The following RRM2 variants were observed in gnomAD, a reference collection of about 807,000 sequenced individuals.
The protein encoded by RRM2 is ribonucleotide reductase regulatory subunit M2, also known as ribonucleoside-diphosphate reductase subunit M2.
RRM2 carries 6 observed loss-of-function variants against 45.9 expected under a neutral mutation model. The ratio of observed to expected loss-of-function variants is 0.13; its 90% CI spans 0.07 to 0.26. The LOEUF is 0.26. Among genes scored for constraint, RRM2 ranks in the 10% least tolerant of loss-of-function variants. RRM2 has a pLI of 1.00. For synonymous variants in RRM2, 177 were observed against 173.0 expected (o/e 1.02, Z -0.18); for missense variants, 343 against 489.5 (o/e 0.70, Z 2.82).
chr2:10,144,731 C>G (rs1663154248), intron 3 of RRM2, among the ~76,000 whole-genome samples: 1 of 152,058 alleles, frequency 6.6e-6, no homozygotes, highest in African/African-American at 2.4e-5. Flanking sequence ...TGTCTTTACC[C>G]AGGGAGGGTC....
At chr2:10,165,185 A>G (rs577582956) in intron 3 of RRM2, among the ~76,000 whole-genome samples, 1 of 152,308 alleles carries the variant, frequency 6.6e-6, no homozygotes, top group Admixed American at 6.5e-5. Context: ...TCCTGAGCTC[A>G]AGCAATCCGG....
At chr2:10,182,961 T>C (rs1664091679) in intron 3 of RRM2, among the ~76,000 whole-genome samples, 1 of 152,168 alleles carries the variant, frequency 6.6e-6, no homozygotes, top group Non-Finnish European at 1.5e-5. Flanking sequence ...GAGGACTGCT[T>C]GAGCCCAGGA....
intron 3 of RRM2, among the ~76,000 whole-genome samples, chr2:10,144,965 G>A (rs553000325): frequency 5.9e-5 from 9 of 152,300 alleles, no homozygotes; most frequent in African/African-American, 2.2e-4. Flanking sequence ...GCACCGGGCC[G>A]GGAGCCCCCA....
rs768505785 is a variant in RRM2, at chr2:10,171,141, G to C, written n.482+28766G>C. On this transcript the variant is annotated intron_variant and non_coding_transcript_variant, in intron 3 of 3. Coordinates refer to the RRM2 transcript ENST00000381786. The surrounding 1 kb of genome is among the most constrained non-coding windows in gnomAD (Gnocchi z 4.1). ...GCTGCGGGGCCTGCACAGACCCCAG[G>C]CATCGAGCCTGCGATGGGGCAACGT... Among the ~76,000 whole-genome samples, 2 of 152,250 alleles carry C rather than the reference G, an allele frequency of 1.3e-5. No homozygotes were observed. The highest frequency in any genetic ancestry group is 4.8e-5 in the African/African-American group (2 of 41,472).
At chr2:10,206,012 C>T (rs562602302) in intron 3 of RRM2, among the ~76,000 whole-genome samples, 45 of 151,994 alleles carry the variant, frequency 3.0e-4, no homozygotes, top group African/African-American at 9.2e-4. Flanking sequence ...TCTGGGAGGC[C>T]GAAGCGGGAG....
chr2:10,150,450 A>G (rs1167965417), intron 3 of RRM2, among the ~76,000 whole-genome samples: 3 of 151,606 alleles, frequency 2.0e-5, no homozygotes, highest in Non-Finnish European at 4.4e-5. Flanking sequence ...TGCCTCAAAA[A>G]AAAAAAAAAA....
At chr2:10,128,370 C>T (rs764202452) in intron 7 of RRM2, among the ~76,000 whole-genome samples, 4 of 152,232 alleles carry the variant, frequency 2.6e-5, no homozygotes, top group Non-Finnish European at 4.4e-5. Flanking sequence ...GTAGGAGGGC[C>T]TTCCTTACTG....
chr2:10,187,739 C>T (rs546508553), intron 3 of RRM2, among the ~76,000 whole-genome samples: 21 of 152,328 alleles, frequency 1.4e-4, no homozygotes, highest in Admixed American at 2.6e-4. Context: ...CACACCACAG[C>T]GGCTGGGCAG....
intron 3 of RRM2, among the ~76,000 whole-genome samples, chr2:10,192,413 A>ACAG (rs1664327392): frequency 6.6e-6 from 1 of 151,972 alleles, no homozygotes; most frequent in Non-Finnish European, 1.5e-5. Context: ...ACCTCTCCCT[A>ACAG]CAGCAGCTCG....
chr2:10,208,642 T>C (rs1269807760), intron 3 of RRM2, among the ~76,000 whole-genome samples: 2 of 152,226 alleles, frequency 1.3e-5, no homozygotes, highest in African/African-American at 4.8e-5. Context: ...TGTTTTCATA[T>C]TGAATTTCAG....
rs1370965214 is a variant in RRM2 at position 10,172,992 on chromosome 2, C to A, written n.482+30617C>A. On this transcript the variant is annotated intron_variant and non_coding_transcript_variant, in intron 3 of 3. Coordinates refer to the RRM2 transcript ENST00000381786. This position sits in a 1 kb window ranked among gnomAD's most constrained non-coding sequence, Gnocchi z 4.9. ...CGCCGTCTTCCTTGTCTGTCCTCTCCTGCCGCCTCCATTCAACTTTCTCCC... is the reference window on the plus strand; with the variant it reads ...CGCCGTCTTCCTTGTCTGTCCTCTCATGCCGCCTCCATTCAACTTTCTCCC... Among the ~76,000 whole-genome samples the A allele has an allele frequency of 6.6e-6, 1 of 152,194 alleles. No homozygotes were observed. The highest frequency in any genetic ancestry group is 1.9e-4 in the East Asian group (1 of 5,196).
intron 3 of RRM2, among the ~76,000 whole-genome samples, chr2:10,176,980 T>C (rs1663928668): frequency 6.6e-6 from 1 of 152,242 alleles, no homozygotes; most frequent in Admixed American, 6.5e-5. Context: ...GTACAGTGGC[T>C]CATGCCGGTA....
rs891150622 is a variant in RRM2, at chr2:10,169,633, G to A, written n.482+27258G>A. 6.6e-6 allele frequency among the ~76,000 whole-genome samples: 1 copy of A among 152,168 alleles called. No individual in the cohort carries two copies. Among genetic ancestry groups the A allele is most frequent in the Non-Finnish European group, 1.5e-5 (1 of 68,020 alleles). ...GACGGCGGCTGCTCCTTGGAAGCTG[G>A]CAGGCACGGCCACAGAATATGCGCC... On this transcript the variant is annotated intron_variant and non_coding_transcript_variant, in intron 3 of 3. Transcript: ENST00000381786. This position sits in a 1 kb window ranked among gnomAD's most constrained non-coding sequence, Gnocchi z 5.1.
chr2:10,175,329 G>T (rs1325084906), intron 3 of RRM2, among the ~76,000 whole-genome samples: 10 of 152,214 alleles, frequency 6.6e-5, no homozygotes, highest in Non-Finnish European at 1.5e-4. Context: ...GTTGTATGTG[G>T]TCTTTGTGTC....
intron 3 of RRM2, among the ~76,000 whole-genome samples, chr2:10,164,424 A>C (rs1572511420): frequency 6.6e-6 from 1 of 152,250 alleles, no homozygotes; most frequent in Non-Finnish European, 1.5e-5. Flanking sequence ...TGCTCAATAC[A>C]TTTTATCATC....
At chr2:10,125,281 A>G (rs543808315) in intron 5 of RRM2, among the ~76,000 whole-genome samples, 1 of 152,342 alleles carries the variant, frequency 6.6e-6, no homozygotes, top group South Asian at 2.1e-4. Flanking sequence ...AGGCAGAGGC[A>G]GCAGTGAACC....
intron 7 of RRM2, among the ~76,000 whole-genome samples, chr2:10,128,022 C>T (rs533215835): frequency 6.6e-5 from 10 of 151,612 alleles, no homozygotes; most frequent in Non-Finnish European, 1.5e-4. Context: ...AAAAATTAGC[C>T]GGGTATGGTG....
chr2:10,203,382 C>T (rs750317115), intron 3 of RRM2, among the ~76,000 whole-genome samples: 3 of 152,186 alleles, frequency 2.0e-5, no homozygotes, highest in African/African-American at 4.8e-5. Context: ...GCCTTGGTTT[C>T]CTCAACCATT....
rs116037324 is a variant in RRM2, at chr2:10,194,294, G to C, written n.483-16017G>C. ...AGAGAAGTGGCCTCTAAGCAAAGGCGGTGGTGTGACGCTAGCAGGCCTGTG... is the reference window on the plus strand; with the variant it reads ...AGAGAAGTGGCCTCTAAGCAAAGGCCGTGGTGTGACGCTAGCAGGCCTGTG... On this transcript the variant is annotated intron_variant and non_coding_transcript_variant, in intron 3 of 3. Coordinates refer to the RRM2 transcript ENST00000381786. Among the ~76,000 whole-genome samples, 206 of 152,318 alleles carry C rather than the reference G, an allele frequency of 1.4e-3. 1 individual carries two copies. The highest frequency in any genetic ancestry group is 2.4e-3 in the Non-Finnish European group (164 of 68,034).
Sources: allele counts gnomAD v4.1 joint callset (sites outside exome capture counted in the v4.1 genomes callset), GRCh38; gene constraint gnomAD v4.1.1; non-coding constraint Gnocchi (gnomAD v3.1); transcripts MANE v1.5; gene names NCBI Gene and HGNC (gene_info 2026-07-23, HGNC 2026-07-21).